Variants in PLEKHG7 observed in about 807,000 individuals in gnomAD.
PLEKHG7 encodes the protein pleckstrin homology and RhoGEF domain containing G7.
Under a neutral mutation model 85.2 loss-of-function variants are expected in PLEKHG7, and 77 were observed. That is an observed-to-expected ratio of 0.90 (90% confidence interval 0.75 to 1.09). PLEKHG7 has a LOEUF of 1.09. PLEKHG7 is among the 50% of genes least tolerant of loss of function. The pLI, the probability that PLEKHG7 is intolerant of heterozygous loss-of-function variation, is 0.00. For synonymous variants in PLEKHG7, 301 were observed against 302.4 expected (o/e 1.00, Z 0.05); for missense variants, 777 against 804.3 (o/e 0.97, Z 0.41).
intron 9 of PLEKHG7, among the ~76,000 whole-genome samples, chr12:92,743,924 T>A (rs1389736612): frequency 6.6e-6 from 1 of 152,148 alleles, no homozygotes; most frequent in Non-Finnish European, 1.5e-5. Context: ...TTCTCAAGCA[T>A]CTCAGTGTCC....
rs562521864 is a variant in PLEKHG7, at chr12:92,713,210, G to T, written c.530+5538G>T. ...GACCTGGCCTTCCCTTTATTCAAGGGGTTCTGGGTTTGTAAACTGGCTCAA... is the reference window on the plus strand; with the variant it reads ...GACCTGGCCTTCCCTTTATTCAAGGTGTTCTGGGTTTGTAAACTGGCTCAA... On this transcript the variant is annotated intron_variant, in intron 3 of 16. Coordinates refer to ENST00000344636, the MANE Select transcript of PLEKHG7 (RefSeq NM_001377329.1). Among the ~76,000 whole-genome samples the T allele has an allele frequency of 5.9e-5, 9 of 152,296 alleles. No individual in the cohort carries two copies. The South Asian group carries it at 1.5e-3, about 25-fold the overall frequency.
chr12:92,755,865 A>G lies in PLEKHG7; in HGVS notation c.1467A>G (p.Gln489=), dbSNP rs769912387. The change falls in exon 12 of 17, where the codon CAA becomes CAG. Residue 489 remains glutamine (Q), a synonymous_variant. Coordinates refer to ENST00000344636, the MANE Select transcript of PLEKHG7 (RefSeq NM_001377329.1). ...EGKVKWLDNF[Q]KFRYLQEIIV... is the part of the protein sequence containing the mutation. Reference sequence around the variant, plus strand: ...AAGTGAAGTGGCTGGACAATTTCCAAAAATTTAGATATCTACAGGAGATTA... The same window carrying G: ...AAGTGAAGTGGCTGGACAATTTCCAGAAATTTAGATATCTACAGGAGATTA... 1.6e-5 allele frequency: 26 copies of G among 1,613,694 alleles called. No homozygotes were observed. Among genetic ancestry groups the G allele is most frequent in the Non-Finnish European group, 2.1e-5 (25 of 1,179,876 alleles).
chr12:92,753,231 C>G (rs1240421737), intron 10 of PLEKHG7, among the ~76,000 whole-genome samples: 1 of 152,152 alleles, frequency 6.6e-6, no homozygotes, highest in African/African-American at 2.4e-5. Flanking sequence ...CCCCTATACT[C>G]CTTCCTGATG....
In PLEKHG7 at chr12:92,729,035, T is replaced by A; in HGVS notation, c.573T>A (p.Pro191=). ...HRRSSVVLNL[P]GLEVFPGDLL... The stretch of plus-strand genomic sequence containing the variant: ...GGAGTTCTGTGGTGCTGAACTTACC[T>A]GGACTTGAGGTGTTCCCCGGGGACC... Residue 191 remains proline (P), a synonymous_variant, in exon 4 of 17, where the codon CCT becomes CCA. Coordinates refer to ENST00000344636, the MANE Select transcript of PLEKHG7 (RefSeq NM_001377329.1). The A allele has an allele frequency of 8.1e-7, 1 of 1,231,924 alleles. No individual in the cohort carries two copies. Among genetic ancestry groups the A allele is most frequent in the Non-Finnish European group, 1.0e-6 (1 of 987,820 alleles). 76.3% of individuals were successfully genotyped at this position (1,231,924 alleles called of 1,614,324 possible).
intron 13 of PLEKHG7, among the ~76,000 whole-genome samples, chr12:92,757,924 G>C (rs1432403127): frequency 6.6e-6 from 1 of 152,224 alleles, no homozygotes; most frequent in African/African-American, 2.4e-5. Context: ...GGAGACCAAA[G>C]CAGAGTGGTG....
chr12:92,769,510 C>G (rs532559602), intron 16 of PLEKHG7, among the ~76,000 whole-genome samples: 1 of 152,278 alleles, frequency 6.6e-6, no homozygotes, highest in East Asian at 1.9e-4. Flanking sequence ...ATAATGATCC[C>G]TGTCAAGTCA....
intron 5 of PLEKHG7, among the ~76,000 whole-genome samples, chr12:92,733,036 C>G (rs1029505257): frequency 6.6e-6 from 1 of 152,206 alleles, no homozygotes; most frequent in Non-Finnish European, 1.5e-5. Context: ...GCCCACGTGG[C>G]CTTGCCAATC....
chr12:92,768,516 A>G (rs1873286244), intron 15 of PLEKHG7, among the ~76,000 whole-genome samples: 1 of 152,160 alleles, frequency 6.6e-6, no homozygotes, highest in Non-Finnish European at 1.5e-5. Context: ...TATTTTTGCC[A>G]CATCTTAATT....
At chr12:92,732,862 G>A (rs1872031234) in intron 5 of PLEKHG7, among the ~76,000 whole-genome samples, 1 of 152,156 alleles carries the variant, frequency 6.6e-6, no homozygotes, top group Non-Finnish European at 1.5e-5. Flanking sequence ...GTGGGAAGAG[G>A]GAGGGAATGT....
rs908274052 is a variant in PLEKHG7 at position 92,706,729 on chromosome 12, G to A, written c.98G>A (p.Ser33Asn). 1 of 1,613,968 alleles carries A rather than the reference G, an allele frequency of 6.2e-7. No individual in the cohort carries two copies. Among genetic ancestry groups the A allele is most frequent in the African/African-American group, 1.3e-5 (1 of 74,892 alleles). Residue 33 changes from serine (S) to asparagine (N), a missense_variant, in exon 2 of 17, where the codon AGT (serine) becomes AAT (asparagine). Ser to Asn is a conservative substitution (Grantham distance 46). Coordinates refer to ENST00000344636, the MANE Select transcript of PLEKHG7 (RefSeq NM_001377329.1). ...AGGAGCCTGCCAAAGAACCAGGGGAGTCTCCTCCAGTTTGACCGGCAAGCC... is the reference window on the plus strand; with the variant it reads ...AGGAGCCTGCCAAAGAACCAGGGGAATCTCCTCCAGTTTGACCGGCAAGCC... ...SLRSLPKNQG[S>N]LLQFDRQAPG...
At chr12:92,757,204 A>T (rs7135076) in intron 13 of PLEKHG7, among the ~76,000 whole-genome samples, 62,046 of 152,144 alleles carry the variant, frequency 0.41, 13,371 homozygotes, top group Non-Finnish European at 0.47. Context: ...AGTTTACCTT[A>T]CTTTATTGTG....
At chr12:92,735,089 G>A (rs1208801282) in intron 5 of PLEKHG7, among the ~76,000 whole-genome samples, 3 of 152,218 alleles carry the variant, frequency 2.0e-5, no homozygotes, top group Non-Finnish European at 4.4e-5. Context: ...GCCATGGTGA[G>A]TGCCCTTCAA....
At chr12:92,723,232 A>T (rs1380400910) in intron 3 of PLEKHG7, among the ~76,000 whole-genome samples, 13 of 152,126 alleles carry the variant, frequency 8.5e-5, no homozygotes, top group Admixed American at 8.5e-4. Flanking sequence ...GTATATGTGG[A>T]TTGGGTTATT....
intron 13 of PLEKHG7, among the ~76,000 whole-genome samples, chr12:92,760,522 T>C (rs1314695479): frequency 1.3e-5 from 2 of 152,054 alleles, no homozygotes; most frequent in Non-Finnish European, 2.9e-5. Flanking sequence ...TAGAACAATA[T>C]ATATATATAA....
intron 3 of PLEKHG7, among the ~76,000 whole-genome samples, chr12:92,727,962 G>A (rs55856811): frequency 0.44 from 42,791 of 96,200 alleles, 11,283 homozygotes; most frequent in Non-Finnish European, 0.48. Context: ...GTGTGTGTGT[G>A]TATATATATA....
intron 3 of PLEKHG7, among the ~76,000 whole-genome samples, chr12:92,716,081 T>TTTTG (rs1565787062): frequency 6.6e-6 from 1 of 151,630 alleles, no homozygotes; most frequent in African/African-American, 2.4e-5. Flanking sequence ...TTTTGGGGTT[T>TTTTG]TTTTGTTTTG....
intron 10 of PLEKHG7, among the ~76,000 whole-genome samples, chr12:92,750,002 A>ATTTTATTTTATTTTG (rs1872648287): frequency 1.1e-5 from 1 of 89,334 alleles, no homozygotes; most frequent in African/African-American, 4.8e-5. Context: ...TTATTTTATT[A>ATTTTATTTTATTTTG]TTTTATTTTA....
chr12:92,731,679 A>G (rs560854016), intron 4 of PLEKHG7, among the ~76,000 whole-genome samples: 2 of 152,368 alleles, frequency 1.3e-5, no homozygotes, highest in African/African-American at 4.8e-5. Flanking sequence ...AACTCCTAGA[A>G]GATGGCCAGT....
At position 92,706,119 on chromosome 12, in the gene PLEKHG7, T is replaced by C. The variant is rs148503420; in HGVS notation, c.-161-352T>C. 1.2e-4 allele frequency among the ~76,000 whole-genome samples: 18 copies of C among 152,320 alleles called. No homozygotes were observed. The East Asian group carries it at 2.7e-3, about 23-fold the overall frequency. Reference sequence around the variant, plus strand: ...ATGTACATACATACATAAATGTAGATGATAAGGAGGATTTAATGTATATTT... The same window carrying C: ...ATGTACATACATACATAAATGTAGACGATAAGGAGGATTTAATGTATATTT... On this transcript the variant is annotated intron_variant, in intron 1 of 16. Coordinates refer to ENST00000344636, the MANE Select transcript of PLEKHG7 (RefSeq NM_001377329.1).
Sources: gnomAD v4.1 joint callset for allele counts (sites outside exome capture counted in the v4.1 genomes callset) on GRCh38, gnomAD v4.1.1 for gene constraint, MANE v1.5 for transcripts, NCBI Gene and HGNC (gene_info 2026-07-23, HGNC 2026-07-21) for gene names.